Variants in IGF1 observed in about 807,000 individuals in gnomAD.
IGF1 encodes insulin-like growth factor 1.
Under a neutral mutation model 13.8 loss-of-function variants are expected in IGF1, and 4 were observed. That is an observed-to-expected ratio of 0.29 (90% CI 0.14 to 0.66). IGF1 has a LOEUF of 0.66. Among genes scored for constraint, IGF1 ranks in the 30% least tolerant of loss-of-function variants. The pLI, the probability that IGF1 is intolerant of heterozygous loss-of-function variation, is 0.78. For missense variants in IGF1, 124 were observed against 188.5 expected (o/e 0.66, Z 2.00); for synonymous variants, 76 against 72.6 (o/e 1.05, Z -0.23).
intron 2 of IGF1, among the ~76,000 whole-genome samples, chr12:102,422,788 C>A (rs1034256430): frequency 6.6e-6 from 1 of 152,096 alleles, no homozygotes; most frequent in Non-Finnish European, 1.5e-5. Context: ...TTTATCTTTG[C>A]CTTGAGAAAC....
intron 2 of IGF1, among the ~76,000 whole-genome samples, chr12:102,448,330 A>C (rs1878541788): frequency 1.3e-5 from 2 of 150,448 alleles, no homozygotes; most frequent in Admixed American, 1.3e-4. Flanking sequence ...AAAATGTGGC[A>C]CACATACACC....
chr12:102,427,084 C>T (rs1454701730), intron 2 of IGF1, among the ~76,000 whole-genome samples: 2 of 152,208 alleles, frequency 1.3e-5, no homozygotes, highest in Non-Finnish European at 2.9e-5. Context: ...TATACAGTGT[C>T]ACCAGGCCGC....
intron 3 of IGF1, chr12:102,417,786 C>A (rs1261501538): frequency 3.1e-6 from 5 of 1,613,258 alleles, no homozygotes; most frequent in Non-Finnish European, 4.2e-6. Context: ...CTCTCATCAT[C>A]CTTGCCTCTG....
Position 102,480,409 on chromosome 12 carries a change from G to A in IGF1, c.-28C>T. 1 of 1,613,040 alleles carries A rather than the reference G, an allele frequency of 6.2e-7. No individual in the cohort carries two copies. The highest frequency in any genetic ancestry group is 8.5e-7 in the Non-Finnish European group (1 of 1,179,444). ...CTTCTGAAGTACAAAGTCTGAAAAT[G>A]AATTGGTTAGCAGGAATAATGAAGC... On this transcript the variant is annotated 5_prime_UTR_variant, in exon 1 of 4. Transcript: ENST00000337514.
rs1035311578 is a variant in IGF1 at position 102,398,688 on chromosome 12, G to T, written c.*3819C>A. 1 of 152,094 alleles carries T rather than the reference G, an allele frequency of 6.6e-6. No homozygotes were observed. The highest frequency in any genetic ancestry group is 1.5e-5 in the Non-Finnish European group (1 of 68,026). The allele number at this position is 152,094 out of a possible 1,614,324, so 9.4% of individuals were successfully genotyped here. On this transcript the variant is annotated 3_prime_UTR_variant, in exon 4 of 4. Transcript: ENST00000337514. The stretch of plus-strand genomic sequence containing the variant: ...CTTGTGAGTGATAAAAAGTTGAAAG[G>T]TGGTGGTGGCTAGATAGACCTAATG...
intron 2 of IGF1, among the ~76,000 whole-genome samples, chr12:102,425,717 A>G (rs1876143448): frequency 1.3e-5 from 2 of 152,238 alleles, no homozygotes; most frequent in Non-Finnish European, 2.9e-5. Flanking sequence ...AGAGATTCAA[A>G]GCAGAAACAT....
intron 2 of IGF1, chr12:102,463,351 A>C (rs1344292260): frequency 6.6e-6 from 1 of 152,260 alleles, no homozygotes; most frequent in Non-Finnish European, 1.5e-5. Flanking sequence ...TCTTCATGGA[A>C]GATCTTCGTG....
intron 3 of IGF1, among the ~76,000 whole-genome samples, chr12:102,409,348 T>C (rs1175596682): frequency 2.6e-5 from 4 of 152,234 alleles, no homozygotes; most frequent in African/African-American, 7.2e-5. Flanking sequence ...CACTAAAACA[T>C]AAGTTCCTTG....
intron 2 of IGF1, among the ~76,000 whole-genome samples, chr12:102,433,950 C>T (rs1156517506): frequency 6.6e-6 from 1 of 152,104 alleles, no homozygotes. Context: ...TCATCTCACC[C>T]CACCCTCCTT....
chr12:102,475,452 C>T (rs554822183), intron 2 of IGF1, among the ~76,000 whole-genome samples, 191 bp downstream of exon 2: 151 of 152,166 alleles, frequency 9.9e-4, no homozygotes, highest in African/African-American at 3.4e-3. Context: ...AAAATTCCAT[C>T]CTAGATCTGC....
chr12:102,473,283 C>T (rs1377433253), intron 2 of IGF1, among the ~76,000 whole-genome samples: 1 of 152,150 alleles, frequency 6.6e-6, no homozygotes, highest in African/African-American at 2.4e-5. Flanking sequence ...TTGCATTTTT[C>T]TTTTACCACT....
chr12:102,439,214 G>A, intron 2 of IGF1, among the ~76,000 whole-genome samples: 1 of 152,190 alleles, frequency 6.6e-6, no homozygotes, highest in East Asian at 1.9e-4. Flanking sequence ...AATGGAGAAG[G>A]GGTGGCCTGC....
intron 2 of IGF1, among the ~76,000 whole-genome samples, chr12:102,421,392 T>C (rs1300711205): frequency 6.6e-6 from 1 of 152,124 alleles, no homozygotes; most frequent in African/African-American, 2.4e-5. Context: ...CCTGGAACTA[T>C]AAATTAGAGG....
At position 102,480,359 on chromosome 12, in the gene IGF1, G is replaced by A; in HGVS notation, c.23C>T (p.Pro8Leu). 1 of 1,613,504 alleles carries A rather than the reference G, an allele frequency of 6.2e-7. No individual in the cohort carries two copies. The highest frequency in any genetic ancestry group is 8.5e-7 in the Non-Finnish European group (1 of 1,179,584). ...AAAGCAGCACTTAAATAATTGGGTT[G>A]GAAGACTGCTGATTTTTCCCATTGC... MGKISSL[P>L]TQLFKCCFCD... Residue 8 changes from proline to leucine, a missense_variant, in exon 1 of 4, where the codon CCA becomes CTA. This residue lies in a region of IGF1 where 99 missense variants were observed against 171.4 expected (regional missense o/e 0.58). Transcript: ENST00000337514.
intron 2 of IGF1, among the ~76,000 whole-genome samples, chr12:102,443,618 C>T (rs928230926): frequency 6.6e-6 from 1 of 151,966 alleles, no homozygotes; most frequent in African/African-American, 2.4e-5. Flanking sequence ...TCATGATAAC[C>T]TCCTCTTGAA....
chr12:102,450,215 C>T (rs1003899574), intron 2 of IGF1, among the ~76,000 whole-genome samples: 1 of 152,196 alleles, frequency 6.6e-6, no homozygotes, highest in African/African-American at 2.4e-5. Context: ...TTCATGCTCT[C>T]CTTGCCCAGT....
intron 2 of IGF1, among the ~76,000 whole-genome samples, chr12:102,471,274 A>C (rs10860869): frequency 6.6e-6 from 1 of 151,992 alleles, no homozygotes; most frequent in African/African-American, 2.4e-5. Context: ...GCTTTGTTAA[A>C]TACAACCTAG....
At chr12:102,439,163 C>G (rs1877489364) in intron 2 of IGF1, among the ~76,000 whole-genome samples, 1 of 152,140 alleles carries the variant, frequency 6.6e-6, no homozygotes, top group Non-Finnish European at 1.5e-5. Flanking sequence ...CACTGTGTGT[C>G]CAGTGTCTAC....
At chr12:102,407,762 G>A (rs2136955232) in intron 3 of IGF1, among the ~76,000 whole-genome samples, 1 of 152,310 alleles carries the variant, frequency 6.6e-6, no homozygotes, top group South Asian at 2.1e-4. Context: ...AAGACTCAAT[G>A]AGGAGGGTGA....
Sources: allele counts gnomAD v4.1 joint callset (sites outside exome capture counted in the v4.1 genomes callset), GRCh38; gene constraint gnomAD v4.1.1; regional missense constraint gnomAD v4.1.1; transcripts MANE v1.5; gene names NCBI Gene and HGNC (gene_info 2026-07-23, HGNC 2026-07-21).